DLGAP1: variants seen among roughly 807,000 people sequenced by gnomAD.
DLGAP1 encodes the protein DLG associated protein 1, also known as disks large-associated protein 1.
DLGAP1 carries 11 observed loss-of-function variants against 90.8 expected under a neutral mutation model. That is an observed-to-expected ratio of 0.12 (90% CI 0.08 to 0.20). DLGAP1 has a LOEUF of 0.20. DLGAP1 is among the 10% of genes least tolerant of loss of function. DLGAP1 has a pLI of 1.00. For synonymous variants in DLGAP1, 558 were observed against 540.7 expected (o/e 1.03, Z -0.44); for missense variants, 1,050 against 1,333.8 (o/e 0.79, Z 3.31).
intron 2 of DLGAP1, among the ~76,000 whole-genome samples, chr18:4,045,432 C>CAAAAAAAAAAAAAAAAAAAAAAAAAAAA (rs763466156): frequency 6.9e-5 from 2 of 29,194 alleles, no homozygotes; most frequent in African/African-American, 1.2e-4. Flanking sequence ...CCCATCTCTA[C>CAAAAAAAAAAAAAAAAAAAAAAAAAAAA]AAAAAAAAAA....
At chr18:3,656,896 G>T (rs938066379) in intron 7 of DLGAP1, among the ~76,000 whole-genome samples, 2 of 151,980 alleles carry the variant, frequency 1.3e-5, no homozygotes, top group Non-Finnish European at 2.9e-5. Context: ...ACAGGCGCCC[G>T]CCAGCACGCC....
chr18:4,058,609 G>A (rs969657830), intron 2 of DLGAP1, among the ~76,000 whole-genome samples: 2 of 152,160 alleles, frequency 1.3e-5, no homozygotes, highest in Admixed American at 1.3e-4. Context: ...CAATCCTCAA[G>A]TCCTCCAGAA....
At chr18:3,637,574 C>CAA (rs35620201) in intron 7 of DLGAP1, among the ~76,000 whole-genome samples, 8 of 94,920 alleles carry the variant, frequency 8.4e-5, no homozygotes, top group Non-Finnish European at 8.6e-5. Context: ...TCTCCCCCAC[C>CAA]AAAAAAAAAA....
intron 6 of DLGAP1, among the ~76,000 whole-genome samples, chr18:3,730,266 C>T (rs371822865): frequency 1.4e-5 from 2 of 146,542 alleles, no homozygotes; most frequent in East Asian, 4.1e-4. Flanking sequence ...AAACAAACAA[C>T]AACAACAAAA....
At chr18:3,802,099 C>T (rs2066326920) in intron 5 of DLGAP1, among the ~76,000 whole-genome samples, 1 of 152,116 alleles carries the variant, frequency 6.6e-6, no homozygotes. Flanking sequence ...ATTATTCTGC[C>T]TCAGCCTCCC....
At chr18:4,016,793 G>T (rs549557089) in intron 2 of DLGAP1, among the ~76,000 whole-genome samples, 1 of 152,182 alleles carries the variant, frequency 6.6e-6, no homozygotes, top group Non-Finnish European at 1.5e-5. Context: ...CCTGAGCTCA[G>T]TTCAGGGTCA....
chr18:3,527,770 A>G (rs1052285794), intron 10 of DLGAP1, among the ~76,000 whole-genome samples: 6 of 151,834 alleles, frequency 4.0e-5, no homozygotes, highest in Admixed American at 6.6e-5. Flanking sequence ...AAAAAAATAT[A>G]TATTTTTGTA....
intron 2 of DLGAP1, among the ~76,000 whole-genome samples, chr18:4,101,890 A>G (rs74845087): frequency 0.02 from 3,088 of 151,976 alleles, 85 homozygotes; most frequent in African/African-American, 0.06. Context: ...CTATATTCAT[A>G]TATATTACAT....
chr18:3,586,220 A>G (rs144831817), intron 7 of DLGAP1, among the ~76,000 whole-genome samples: 2 of 152,332 alleles, frequency 1.3e-5, no homozygotes, highest in East Asian at 1.9e-4. Flanking sequence ...CCCAACTTCG[A>G]ATAAGGGAGC....
intron 2 of DLGAP1, among the ~76,000 whole-genome samples, chr18:4,093,149 T>C (rs1435933465): frequency 1.3e-5 from 2 of 152,184 alleles, no homozygotes; most frequent in African/African-American, 2.4e-5. Context: ...TGTATGTGTA[T>C]GTATGTATGT....
chr18:3,888,571 A>G (rs2071381995), intron 3 of DLGAP1, among the ~76,000 whole-genome samples: 3 of 152,062 alleles, frequency 2.0e-5, no homozygotes, highest in Admixed American at 6.5e-5. Context: ...AAAAAAACCA[A>G]CGACTCAACT....
intron 2 of DLGAP1, among the ~76,000 whole-genome samples, chr18:4,134,420 C>A (rs1289295755): frequency 6.6e-6 from 1 of 152,110 alleles, no homozygotes. Context: ...CCCCTATATT[C>A]AAACTAGGCA....
intron 1 of DLGAP1, among the ~76,000 whole-genome samples, chr18:4,419,583 A>G (rs1468760123): frequency 6.6e-6 from 1 of 152,186 alleles, no homozygotes; most frequent in Non-Finnish European, 1.5e-5. Context: ...CCAAAATGGT[A>G]CCAACATATT....
At chr18:3,714,754 C>T (rs749398196) in intron 7 of DLGAP1, among the ~76,000 whole-genome samples, 14 of 150,908 alleles carry the variant, frequency 9.3e-5, no homozygotes, top group Non-Finnish European at 1.3e-4. Context: ...CTGCCTCAGC[C>T]TCCCCGAGTA....
intron 7 of DLGAP1, among the ~76,000 whole-genome samples, chr18:3,669,628 G>A (rs936914175): frequency 2.0e-5 from 3 of 152,192 alleles, no homozygotes; most frequent in South Asian, 4.1e-4. Flanking sequence ...GAGTTGGTCC[G>A]GGGCAGTCAG....
At chr18:3,959,543 T>C (rs2073152947) in intron 3 of DLGAP1, among the ~76,000 whole-genome samples, 1 of 152,070 alleles carries the variant, frequency 6.6e-6, no homozygotes, top group South Asian at 2.1e-4. Flanking sequence ...GTCGCGTGTC[T>C]GTGATCCCAG....
chr18:3,814,443 G>A (rs1236798777), intron 4 of DLGAP1, among the ~76,000 whole-genome samples, 170 bp from the exon 5 acceptor site: 3 of 144,430 alleles, frequency 2.1e-5, no homozygotes, highest in African/African-American at 7.7e-5. Context: ...CTCACTGCAA[G>A]CTCTGCTTCC....
At chr18:4,232,890 G>T (rs1457695392) in intron 1 of DLGAP1, among the ~76,000 whole-genome samples, 1 of 152,162 alleles carries the variant, frequency 6.6e-6, no homozygotes, top group Non-Finnish European at 1.5e-5. Context: ...CACTTCTGCA[G>T]AAATCTTGTA....
rs543079413 is a variant in DLGAP1 at position 4,018,887 on chromosome 18, T to A, written c.-158-13686A>T. Among the ~76,000 whole-genome samples the A allele has an allele frequency of 2.6e-4, 39 of 152,352 alleles. 1 individual carries two copies. Among genetic ancestry groups the A allele is most frequent in the African/African-American group, 8.4e-4 (35 of 41,586 alleles). On this transcript the variant is annotated intron_variant, in intron 2 of 12. Transcript: ENST00000315677. ...TCCGATTTGGGGGGTCAAGGTTCAATAAGTGAGGGTTCCCCACTCACTTGG... is the reference window on the plus strand; with the variant it reads ...TCCGATTTGGGGGGTCAAGGTTCAAAAAGTGAGGGTTCCCCACTCACTTGG...
Sources: gnomAD v4.1 joint callset for allele counts (sites outside exome capture counted in the v4.1 genomes callset) on GRCh38, gnomAD v4.1.1 for gene constraint, MANE v1.5 for transcripts, NCBI Gene and HGNC (gene_info 2026-07-23, HGNC 2026-07-21) for gene names.